The following MCTP2 variants were observed in gnomAD, a reference collection of about 807,000 sequenced individuals.
MCTP2 encodes the protein multiple C2 and transmembrane domain-containing protein 2.
A neutral mutation model predicts 111.6 loss-of-function variants in MCTP2; 132 were observed. The ratio of observed to expected loss-of-function variants is 1.18; its 90% CI spans 1.03 to 1.37. The LOEUF (loss-of-function observed/expected upper bound fraction) is 1.37. MCTP2 is among the 40% of genes most tolerant of loss of function. The probability of loss-of-function intolerance (pLI) is 0.00; values close to 1 mark genes in which losing one functional copy is unlikely to be tolerated. For missense variants in MCTP2, 1,183 were observed against 1,067.9 expected (o/e 1.11, Z -1.50); for synonymous variants, 395 against 387.7 (o/e 1.02, Z -0.22).
rs2075391257 is a variant in MCTP2, at chr15:94,298,700, C to G, written c.435C>G (p.Ser145=). 1 of 1,611,258 alleles carries G rather than the reference C, an allele frequency of 6.2e-7. No homozygotes were observed. The highest frequency in any genetic ancestry group is 1.7e-5 in the Admixed American group (1 of 59,752). Reference sequence around the variant, plus strand: ...GCATCTTTGATCTTCAGAAAACTTCCCTTGGAGGGGATGCACCAGAAGAGC... The same window carrying G: ...GCATCTTTGATCTTCAGAAAACTTCGCTTGGAGGGGATGCACCAGAAGAGC... ...SNGIFDLQKT[S]LGGDAPEEPE... The change falls in exon 2 of 23, where the codon TCC becomes TCG. Residue 145 remains serine, a synonymous_variant. Coordinates refer to ENST00000357742, the MANE Select transcript of MCTP2 (RefSeq NM_001385001.1).
intron 17 of MCTP2, among the ~76,000 whole-genome samples, chr15:94,410,368 C>G (rs1055547003): frequency 6.6e-6 from 1 of 151,964 alleles, no homozygotes; most frequent in Non-Finnish European, 1.5e-5. Flanking sequence ...TCTATTTAAC[C>G]ACCAGATGCC....
chr15:94,475,088 C>G (rs1342019341), intron 21 of MCTP2, among the ~76,000 whole-genome samples: 1 of 152,192 alleles, frequency 6.6e-6, no homozygotes, highest in Admixed American at 6.5e-5. Flanking sequence ...ACGTCTTTGT[C>G]TCCCTTCATC....
rs556283258 is a variant in MCTP2 at position 94,372,798 on chromosome 15, C to T, written c.1582+2618C>T. ...AAATTAAAAAAAAAAGCATTTACTC[C>T]GGATAACCAGGGACATTCTCTAAAG... On this transcript the variant is annotated intron_variant, in intron 12 of 22. Coordinates refer to ENST00000357742, the MANE Select transcript of MCTP2 (RefSeq NM_001385001.1). Among the ~76,000 whole-genome samples the T allele has an allele frequency of 7.2e-5, 11 of 152,042 alleles. 1 individual carries two copies. In the South Asian group the frequency reaches 1.2e-3, roughly 17 times the overall value.
At chr15:94,243,521 G>T (rs1378667830) in intron 1 of MCTP2, among the ~76,000 whole-genome samples, 5 of 136,712 alleles carry the variant, frequency 3.7e-5, no homozygotes. Context: ...ATATGCGTAT[G>T]TACACACATA....
At chr15:94,339,236 C>G (rs749238920) in intron 4 of MCTP2, 54 bp from the exon 5 acceptor site, 1 of 1,364,588 alleles carries the variant, frequency 7.3e-7, no homozygotes, top group Non-Finnish European at 1.0e-6. Context: ...AATGAAAGTC[C>G]CAGGCTTTTA....
intron 1 of MCTP2, among the ~76,000 whole-genome samples, chr15:94,248,788 C>A (rs1037504505): frequency 2.0e-5 from 3 of 152,190 alleles, no homozygotes; most frequent in Admixed American, 1.3e-4. Context: ...GTGCAAGTGT[C>A]TTAATCAAGA....
In MCTP2 at chr15:94,243,373, GTACA is replaced by G. The variant is rs1463749129; in HGVS notation, c.-66+11717_-66+11720del. 1.8e-4 allele frequency among the ~76,000 whole-genome samples: 24 copies of G among 132,994 alleles called. 1 individual carries two copies. The highest frequency in any genetic ancestry group is 1.0e-3 in the East Asian group (5 of 4,774). 87.2% of individuals were successfully genotyped at this position (132,994 alleles called of 152,430 possible). On this transcript the variant is annotated intron_variant, in intron 1 of 22. Coordinates refer to ENST00000357742, the MANE Select transcript of MCTP2 (RefSeq NM_001385001.1). ...TACATACGTATGCGTATATGCGTAT[GTACA>G]TACATACGTATGCGTATATGCGTAT...
In MCTP2 at chr15:94,421,279, T is replaced by C. The variant is rs768456812; in HGVS notation, c.2086-18897T>C. Among the ~76,000 whole-genome samples, 3 of 152,170 alleles carry C rather than the reference T, an allele frequency of 2.0e-5. No individual in the cohort carries two copies. In the East Asian group the frequency reaches 5.8e-4, roughly 29 times the overall value. ...ATGTACTGGGAAACCCAAAAAATTG[T>C]GTGACTCACTTTATTGTGATTTTTG... On this transcript the variant is annotated intron_variant, in intron 17 of 22. Coordinates refer to ENST00000357742, the MANE Select transcript of MCTP2 (RefSeq NM_001385001.1).
At chr15:94,294,846 C>CA (rs1404045036) in intron 1 of MCTP2, among the ~76,000 whole-genome samples, 1 of 151,814 alleles carries the variant, frequency 6.6e-6, no homozygotes, top group Non-Finnish European at 1.5e-5. Flanking sequence ...TCTTGGGACT[C>CA]ACGTTCATCT....
chr15:94,446,054 G>A (rs934514434), intron 19 of MCTP2, among the ~76,000 whole-genome samples: 7 of 152,130 alleles, frequency 4.6e-5, no homozygotes, highest in African/African-American at 1.7e-4. Flanking sequence ...TCTGGAACAG[G>A]GATTGTTGTA....
At chr15:94,432,124 TC>T (rs1043294559) in intron 17 of MCTP2, among the ~76,000 whole-genome samples, 1 of 152,174 alleles carries the variant, frequency 6.6e-6, no homozygotes, top group African/African-American at 2.4e-5. Flanking sequence ...TCCTTGGACT[TC>T]CTGAGATGTT....
chr15:94,460,251 T>C lies in MCTP2; in HGVS notation c.2360+2005T>C, dbSNP rs141177423. ...GCAATTCTGAAACAGAAGAAACTTA[T>C]CAGCATCTCTGAGAATAGGAAGAGA... On this transcript the variant is annotated intron_variant, in intron 20 of 22. Coordinates refer to ENST00000357742, the MANE Select transcript of MCTP2 (RefSeq NM_001385001.1). Among the ~76,000 whole-genome samples, 596 of 152,262 alleles carry C rather than the reference T, an allele frequency of 3.9e-3. 3 individuals carry two copies. Among genetic ancestry groups the C allele is most frequent in the African/African-American group, 0.013 (560 of 41,548 alleles).
rs1187746782 is a variant in MCTP2 at position 94,479,184 on chromosome 15, GACATACACACATGTGCACAC to G, written c.*153_*172del. 4 of 729,372 alleles carry G rather than the reference GACATACACACATGTGCACAC, an allele frequency of 5.5e-6. No homozygotes were observed. The highest frequency in any genetic ancestry group is 9.7e-6 in the Non-Finnish European group (4 of 413,218). 45.2% of individuals were successfully genotyped at this position (729,372 alleles called of 1,614,324 possible). A position where few individuals can be genotyped will look rare whatever the true frequency, so the allele number is the denominator to read the frequency against. ...TACTTCCTCCTCCTTCACGTGCACAGACATACACACATGTGCACACACCCTCATGCATGGGTGTCCTAGTT... is the reference window on the plus strand; with the variant it reads ...TACTTCCTCCTCCTTCACGTGCACAGACCCTCATGCATGGGTGTCCTAGTT... On this transcript the variant is annotated 3_prime_UTR_variant, in exon 23 of 23. Coordinates refer to ENST00000357742, the MANE Select transcript of MCTP2 (RefSeq NM_001385001.1).
chr15:94,454,744 A>AT (rs913707551), intron 19 of MCTP2, among the ~76,000 whole-genome samples: 6 of 152,050 alleles, frequency 3.9e-5, no homozygotes, highest in Non-Finnish European at 8.8e-5. Flanking sequence ...AAAACACTTT[A>AT]TTTTTCTACG....
intron 1 of MCTP2, among the ~76,000 whole-genome samples, chr15:94,258,430 A>T (rs768052607): frequency 6.6e-6 from 1 of 152,172 alleles, no homozygotes. Flanking sequence ...ATCTGTGTCT[A>T]CTTCTGAAAA....
intron 7 of MCTP2, chr15:94,343,264 T>A (rs1016867827): frequency 6.6e-6 from 1 of 152,130 alleles, no homozygotes; most frequent in East Asian, 1.9e-4. Context: ...TTCATTGAGT[T>A]TGAGTTAATA....
intron 20 of MCTP2, among the ~76,000 whole-genome samples, chr15:94,463,924 C>T (rs753164870): frequency 1.3e-5 from 2 of 151,894 alleles, no homozygotes; most frequent in East Asian, 3.9e-4. Context: ...TTGGAATAAA[C>T]CCAACATTAT....
intron 1 of MCTP2, among the ~76,000 whole-genome samples, chr15:94,243,222 C>T (rs533347427): frequency 2.8e-4 from 41 of 147,608 alleles, no homozygotes; most frequent in Admixed American, 2.6e-3. Context: ...TATATACATA[C>T]GTATGCGTAC....
At chr15:94,342,771 T>G (rs1289332633) in intron 7 of MCTP2, 1 of 151,116 alleles carries the variant, frequency 6.6e-6, no homozygotes, top group Non-Finnish European at 1.5e-5. Context: ...TCTCCATATA[T>G]ATACACACAC....
Sources: allele counts gnomAD v4.1 joint callset (sites outside exome capture counted in the v4.1 genomes callset), GRCh38; gene constraint gnomAD v4.1.1; transcripts MANE v1.5; gene names NCBI Gene and HGNC (gene_info 2026-07-23, HGNC 2026-07-21).